CSMD1: variants seen among roughly 807,000 people sequenced by gnomAD.
CSMD1 encodes CUB and sushi domain-containing protein 1.
Under a neutral mutation model 417.5 loss-of-function variants are expected in CSMD1, and 213 were observed. The observed-to-expected ratio is 0.51, with a 90% CI of 0.46 to 0.57. CSMD1 has a LOEUF of 0.57. Ranked by LOEUF, CSMD1 falls within the 20% of genes least tolerant of loss-of-function variation. CSMD1 has a pLI of 0.00. For missense variants in CSMD1, 6,923 were observed against 4,529.7 expected, an observed-to-expected ratio of 1.53 and a Z score of -15.17; for synonymous variants, 2,862 against 1,736.8, an observed-to-expected ratio of 1.65 and a Z score of -16.11.
At chr8:4,281,175 C>G (rs900003256) in intron 3 of CSMD1, among the ~76,000 whole-genome samples, 4 of 151,984 alleles carry the variant, frequency 2.6e-5, no homozygotes, top group African/African-American at 9.7e-5. Flanking sequence ...GTTTTCAGGT[C>G]AAATGTAAAT....
At chr8:3,814,192 C>G (rs1192033726) in intron 5 of CSMD1, among the ~76,000 whole-genome samples, 1 of 152,194 alleles carries the variant, frequency 6.6e-6, no homozygotes, top group Admixed American at 6.5e-5. Context: ...CTGCAAGACA[C>G]TTTCAACATG....
At chr8:3,231,637 G>A (rs1472274511) in intron 26 of CSMD1, among the ~76,000 whole-genome samples, 5 of 152,072 alleles carry the variant, frequency 3.3e-5, no homozygotes, top group African/African-American at 1.2e-4. Flanking sequence ...ACCTAATAGG[G>A]GTGGCAATGA....
At chr8:3,280,367 C>G (rs560174257) in intron 26 of CSMD1, among the ~76,000 whole-genome samples, 1 of 152,134 alleles carries the variant, frequency 6.6e-6, no homozygotes, top group Non-Finnish European at 1.5e-5. Flanking sequence ...CATTAGAGGT[C>G]AAGATAGAAA....
intron 25 of CSMD1, among the ~76,000 whole-genome samples, chr8:3,287,199 C>T (rs1250190750): frequency 6.7e-6 from 1 of 148,564 alleles, no homozygotes; most frequent in South Asian, 2.1e-4. Flanking sequence ...GTTTTGGTTA[C>T]TGTAGCCTTG....
At chr8:3,796,272 T>TCTATCATGTATAGATATAG (rs1410570153) in intron 5 of CSMD1, among the ~76,000 whole-genome samples, 3 of 31,888 alleles carry the variant, frequency 9.4e-5, no homozygotes, top group African/African-American at 4.9e-4. Flanking sequence ...GATATAGATA[T>TCTATCATGTATAGATATAG]ATATCTATCA....
intron 26 of CSMD1, among the ~76,000 whole-genome samples, chr8:3,240,050 T>C (rs538347711): frequency 4.3e-4 from 65 of 152,254 alleles, no homozygotes; most frequent in Non-Finnish European, 7.5e-4. Context: ...GCATAGTTTG[T>C]GATTTTAAGG....
At chr8:4,869,508 T>C (rs1279657567) in intron 1 of CSMD1, among the ~76,000 whole-genome samples, 1 of 152,102 alleles carries the variant, frequency 6.6e-6, no homozygotes, top group East Asian at 1.9e-4. Context: ...CTCAAGGTAG[T>C]TGATATCTAG....
At chr8:3,760,804 A>G (rs1268554633) in intron 5 of CSMD1, among the ~76,000 whole-genome samples, 2 of 152,344 alleles carry the variant, frequency 1.3e-5, no homozygotes, top group East Asian at 1.9e-4. Flanking sequence ...CTCTTTAACT[A>G]TGATGACTCA....
At chr8:3,444,133 A>C (rs1227534981) in intron 12 of CSMD1, among the ~76,000 whole-genome samples, 2 of 152,188 alleles carry the variant, frequency 1.3e-5, no homozygotes, top group African/African-American at 2.4e-5. Flanking sequence ...AAAGAACAAG[A>C]AATCAAGCAG....
intron 12 of CSMD1, among the ~76,000 whole-genome samples, chr8:3,429,452 C>A (rs984881791): frequency 2.0e-5 from 3 of 152,124 alleles, no homozygotes; most frequent in African/African-American, 7.2e-5. Flanking sequence ...ATGTCCAAAG[C>A]AACACTTGTA....
At chr8:3,709,983 T>A (rs544266857) in intron 6 of CSMD1, among the ~76,000 whole-genome samples, 3 of 151,920 alleles carry the variant, frequency 2.0e-5, no homozygotes, top group Non-Finnish European at 4.4e-5. Flanking sequence ...GCTGAAAACC[T>A]GATTATATCT....
chr8:4,059,541 G>A (rs970994182), intron 3 of CSMD1, among the ~76,000 whole-genome samples: 7 of 152,050 alleles, frequency 4.6e-5, no homozygotes, highest in Admixed American at 1.3e-4. Flanking sequence ...TTGATAGACT[G>A]CTAGCAAGAC....
chr8:3,108,562 G>T, intron 44 of CSMD1, 41 bp downstream of exon 44: 1 of 1,603,312 alleles, frequency 6.2e-7, no homozygotes. Flanking sequence ...AACACCACAT[G>T]GAATTCTCAG....
intron 12 of CSMD1, among the ~76,000 whole-genome samples, chr8:3,438,775 G>A (rs527481139): frequency 5.3e-5 from 8 of 152,188 alleles, no homozygotes; most frequent in Non-Finnish European, 8.8e-5. Flanking sequence ...ATAAATGATT[G>A]GAAGTGCAAT....
chr8:4,757,245 T>C (rs1004609294), intron 1 of CSMD1, among the ~76,000 whole-genome samples: 5 of 152,202 alleles, frequency 3.3e-5, no homozygotes, highest in South Asian at 2.1e-4. Context: ...CAACTTGCAA[T>C]TGACTACATT....
intron 3 of CSMD1, among the ~76,000 whole-genome samples, chr8:4,264,768 G>A (rs1022331713): frequency 4.6e-5 from 7 of 151,998 alleles, no homozygotes; most frequent in African/African-American, 1.7e-4. Flanking sequence ...ACGTTCTTTG[G>A]CCATTTTTGC....
At chr8:3,610,629 G>A (rs1003952528) in intron 8 of CSMD1, among the ~76,000 whole-genome samples, 29 of 152,116 alleles carry the variant, frequency 1.9e-4, no homozygotes, top group African/African-American at 6.0e-4. Context: ...CAGTATAGAT[G>A]ACATTCACTT....
intron 10 of CSMD1, among the ~76,000 whole-genome samples, chr8:3,502,993 G>A (rs990653655): frequency 6.6e-6 from 1 of 152,112 alleles, no homozygotes; most frequent in Admixed American, 6.5e-5. Flanking sequence ...ATGTGTGGGG[G>A]CAGGGGGTAC....
intron 32 of CSMD1, 93 bp downstream of exon 32, chr8:3,201,519 T>G: frequency 3.5e-6 from 2 of 576,686 alleles, no homozygotes; most frequent in East Asian, 3.2e-5. Context: ...ACATTTCTCA[T>G]TCATCAAAAC....
Sources: allele counts gnomAD v4.1 joint callset (sites outside exome capture counted in the v4.1 genomes callset), GRCh38; gene constraint gnomAD v4.1.1; transcripts MANE v1.5; gene names NCBI Gene and HGNC (gene_info 2026-07-23, HGNC 2026-07-21).